Variants in UGT1A5 observed in about 807,000 individuals in gnomAD.
UGT1A5 encodes UDP glucuronosyltransferase family 1 member A5.
Under a neutral mutation model 40.3 loss-of-function variants are expected in UGT1A5, and 29 were observed. The ratio of observed to expected loss-of-function variants is 0.72; its 90% CI spans 0.54 to 0.98. UGT1A5 has a LOEUF of 0.98. UGT1A5 is among the 50% of genes least tolerant of loss of function. The probability of loss-of-function intolerance (pLI) is 0.00; values close to 1 mark genes in which losing one functional copy is unlikely to be tolerated. For synonymous variants in UGT1A5, 257 were observed against 262.5 expected, an observed-to-expected ratio of 0.98 and a Z score of 0.20; for missense variants, 678 against 677.9, an observed-to-expected ratio of 1.00 and a Z score of 0.00.
intron 1 of UGT1A5, among the ~76,000 whole-genome samples, chr2:233,739,884 T>C (rs1299319141): frequency 6.6e-6 from 1 of 151,956 alleles, no homozygotes; most frequent in Non-Finnish European, 1.5e-5. Context: ...ACTGTGTGTT[T>C]CCACCCAAAT....
chr2:233,762,963 G>A (rs1465614269), intron 1 of UGT1A5, among the ~76,000 whole-genome samples: 1 of 152,144 alleles, frequency 6.6e-6, no homozygotes, highest in East Asian at 1.9e-4. Flanking sequence ...TAGGAAAGAT[G>A]CCCGTCTTGC....
chr2:233,772,294 T>C lies in UGT1A5; in HGVS notation c.1340T>C (p.Leu447Pro). 6.2e-7 allele frequency: 1 copy of C among 1,614,228 alleles called. No individual in the cohort carries two copies. Among genetic ancestry groups the C allele is most frequent in the Non-Finnish European group, 8.5e-7 (1 of 1,180,042 alleles). Reference protein sequence around the residue: ...YKENIMRLSSLHKDRPVEPLD... With the variant: ...YKENIMRLSSPHKDRPVEPLD... Reference sequence around the variant, plus strand: ...GAGAACATCATGCGCCTCTCCAGCCTTCACAAGGACCGCCCGGTGGAGCCG... The same window carrying C: ...GAGAACATCATGCGCCTCTCCAGCCCTCACAAGGACCGCCCGGTGGAGCCG... The change falls in exon 5 of 5, where the codon CTT becomes CCT. Residue 447 changes from leucine to proline, a missense_variant. Coordinates refer to ENST00000373414, the MANE Select transcript of UGT1A5 (RefSeq NM_019078.2).
intron 1 of UGT1A5, among the ~76,000 whole-genome samples, chr2:233,732,921 ATTGATTCTTCC>A (rs2078336368): frequency 6.6e-6 from 1 of 151,962 alleles, no homozygotes; most frequent in African/African-American, 2.4e-5. Flanking sequence ...TTTTCACGAT[ATTGATTCTTCC>A]TATCCATGAG....
At chr2:233,753,560 A>T (rs949425107) in intron 1 of UGT1A5, 1 of 152,242 alleles carries the variant, frequency 6.6e-6, no homozygotes, top group African/African-American at 2.4e-5. Flanking sequence ...TGACCCTAGA[A>T]GATGGGACCC....
At chr2:233,724,165 C>G (rs1303959593) in intron 1 of UGT1A5, among the ~76,000 whole-genome samples, 1 of 112,732 alleles carries the variant, frequency 8.9e-6, no homozygotes, top group African/African-American at 4.2e-5. Context: ...GGGGGGCTGA[C>G]CCCCCCATCT....
At chr2:233,714,373 T>G (rs899133661) in intron 1 of UGT1A5, among the ~76,000 whole-genome samples, 1 of 152,172 alleles carries the variant, frequency 6.6e-6, no homozygotes, top group Admixed American at 6.5e-5. Flanking sequence ...TTGACTCAGT[T>G]CAGTGGAATT....
At chr2:233,723,514 A>G (rs2077090409) in intron 1 of UGT1A5, among the ~76,000 whole-genome samples, 1 of 107,644 alleles carries the variant, frequency 9.3e-6, no homozygotes, top group Non-Finnish European at 1.8e-5. Context: ...CTGGTCAACA[A>G]TCTTTTTTTT....
chr2:233,759,131 C>T (rs889675688), intron 1 of UGT1A5, among the ~76,000 whole-genome samples: 18 of 152,174 alleles, frequency 1.2e-4, no homozygotes, highest in African/African-American at 3.6e-4. Flanking sequence ...GCCTCTGGTA[C>T]GCAATGAAGG....
rs778886685 is a variant in UGT1A5 at position 233,713,704 on chromosome 2, T to C, written c.713T>C (p.Leu238Pro). 1 of 1,613,920 alleles carries C rather than the reference T, an allele frequency of 6.2e-7. No individual in the cohort carries two copies. The highest frequency in any genetic ancestry group is 1.7e-5 in the Admixed American group (1 of 60,014). Reference sequence around the variant, plus strand: ...CCTTATGCAAGCCTTGCCTCTGAGCTTTTTCAGAGAGAGGTGTCAGTGGTG... The same window carrying C: ...CCTTATGCAAGCCTTGCCTCTGAGCCTTTTCAGAGAGAGGTGTCAGTGGTG... ...SAPYASLASE[L>P]FQREVSVVDL... The change falls in exon 1 of 5, where the codon CTT becomes CCT. Residue 238 changes from leucine to proline, a missense_variant. By Grantham distance (98) the Leu-to-Pro change is moderately conservative. Transcript: ENST00000373414.
chr2:233,757,450 T>C (rs1696530836), intron 1 of UGT1A5, among the ~76,000 whole-genome samples: 1 of 150,428 alleles, frequency 6.6e-6, no homozygotes, highest in African/African-American at 2.5e-5. Context: ...TACAGAAACA[T>C]GTCCAGAGCG....
At chr2:233,764,941 C>T (rs937605699) in intron 1 of UGT1A5, among the ~76,000 whole-genome samples, 2 of 152,052 alleles carry the variant, frequency 1.3e-5, no homozygotes, top group Admixed American at 6.5e-5. Flanking sequence ...GTGAGAGTGG[C>T]GGGGAGAGAG....
Position 233,713,549 on chromosome 2 carries a change from GT to G in UGT1A5, c.559del (p.Cys187ValfsTer12), listed in dbSNP as rs1302335966. The G allele has an allele frequency of 1.9e-6, 3 of 1,613,868 alleles. No homozygotes were observed. The highest frequency in any genetic ancestry group is 2.5e-6 in the Non-Finnish European group (3 of 1,179,870). On this transcript the variant is annotated frameshift_variant, in exon 1 of 5. Transcript: ENST00000373414. LOFTEE classifies it high-confidence loss of function. ...GTGATTTAGACTTTAAGGGCACACA[GT>G]GTCCAAACCCTTCCTCCTATATTCC... is the stretch of plus-strand genomic sequence containing the variant. ...PCDLDFKGTQCPNPSSYIPRL... is the reference protein window; with the variant it reads ...PCDLDFKGTQXPNPSSYIPRL...
intron 1 of UGT1A5, chr2:233,718,897 C>G (rs1667541971): frequency 8.1e-6 from 13 of 1,614,042 alleles, no homozygotes; most frequent in Non-Finnish European, 1.1e-5. Context: ...CAGCCCTGGG[C>G]TGAGAGTGGA....
chr2:233,713,742 C>T lies in UGT1A5; in HGVS notation c.751C>T (p.His251Tyr), dbSNP rs138898755. 43 of 1,613,022 alleles carry T rather than the reference C, an allele frequency of 2.7e-5. No individual in the cohort carries two copies. The Middle Eastern group carries it at 5.0e-4, about 19-fold the overall frequency. The change falls in exon 1 of 5, where the codon CAT (histidine) becomes TAT (tyrosine). Residue 251 changes from histidine (H) to tyrosine (Y), a missense_variant. By Grantham distance (83) the His-to-Tyr change is moderately conservative. Transcript: ENST00000373414. ...REVSVVDLVS[H>Y]ASVWLFRGDF... is the part of the protein sequence containing the mutation. ...GGTGTCAGTGGTGGATCTTGTCAGC[C>T]ATGCATCTGTGTGGCTGTTCCGAGG...
rs761038539 is a variant in UGT1A5 at position 233,743,935 on chromosome 2, C to G, written c.868-23099C>G. 3 of 1,357,014 alleles carry G rather than the reference C, an allele frequency of 2.2e-6. No homozygotes were observed. In the East Asian group the frequency reaches 1.4e-4, roughly 62 times the overall value. 84.1% of individuals were successfully genotyped at this position (1,357,014 alleles called of 1,614,324 possible). On this transcript the variant is annotated intron_variant, in intron 1 of 4. Transcript: ENST00000373414. Reference sequence around the variant, plus strand: ...CCACCATGCTGGATGGCCAGAACGGCCCACCAGGCACTGGCACAGCGAGCG... The same window carrying G: ...CCACCATGCTGGATGGCCAGAACGGGCCACCAGGCACTGGCACAGCGAGCG...
chr2:233,757,314 T>A (rs1406248640), intron 1 of UGT1A5, among the ~76,000 whole-genome samples: 1 of 20,476 alleles, frequency 4.9e-5, no homozygotes, highest in Non-Finnish European at 9.0e-5. Flanking sequence ...ACAGGGGGGC[T>A]GGGGCCCTGA....
At chr2:233,764,677 A>G (rs1698620096) in intron 1 of UGT1A5, among the ~76,000 whole-genome samples, 1 of 152,174 alleles carries the variant, frequency 6.6e-6, no homozygotes, top group Non-Finnish European at 1.5e-5. Flanking sequence ...CAGAAGAAAG[A>G]ACTTGAAGAG....
At position 233,742,113 on chromosome 2, in the gene UGT1A5, C is replaced by T. The variant is rs368055004; in HGVS notation, c.868-24921C>T. On this transcript the variant is annotated intron_variant, in intron 1 of 4. Coordinates refer to ENST00000373414, the MANE Select transcript of UGT1A5 (RefSeq NM_019078.2). ...TTCCAGGACCCACTGCCAAGACCAGCTTGGTCGTGGAGACCCTAACCCAGC... is the reference window on the plus strand; with the variant it reads ...TTCCAGGACCCACTGCCAAGACCAGTTTGGTCGTGGAGACCCTAACCCAGC... 2.0e-4 allele frequency among the ~76,000 whole-genome samples: 30 copies of T among 151,982 alleles called. 1 individual carries two copies. The highest frequency in any genetic ancestry group is 7.0e-4 in the African/African-American group (29 of 41,250).
intron 4 of UGT1A5, 143 bp downstream of exon 4, chr2:233,768,582 CTTTTTT>C (rs139595073): frequency 4.6e-4 from 479 of 1,031,596 alleles, no homozygotes; most frequent in East Asian, 1.4e-3. Context: ...TTTATTTCTT[CTTTTTT>C]TTTTTTTTTT....
Sources: allele counts gnomAD v4.1 joint callset (sites outside exome capture counted in the v4.1 genomes callset), GRCh38; gene constraint gnomAD v4.1.1; transcripts MANE v1.5; gene names NCBI Gene and HGNC (gene_info 2026-07-23, HGNC 2026-07-21).